SCN3B: variants seen among roughly 807,000 people sequenced by gnomAD.
SCN3B encodes sodium voltage-gated channel beta subunit 3.
Under a neutral mutation model 25.4 loss-of-function variants are expected in SCN3B, and 11 were observed. That is an observed-to-expected ratio of 0.43 (90% CI 0.27 to 0.72). The LOEUF (loss-of-function observed/expected upper bound fraction) is 0.72. Ranked by LOEUF, SCN3B falls within the 30% of genes least tolerant of loss-of-function variation. The probability of loss-of-function intolerance (pLI) is 0.18; values close to 1 mark genes in which losing one functional copy is unlikely to be tolerated. For synonymous variants in SCN3B, 109 were observed against 110.7 expected, an observed-to-expected ratio of 0.99 and a Z score of 0.09; for missense variants, 218 against 278.3, an observed-to-expected ratio of 0.78 and a Z score of 1.54.
intron 3 of SCN3B, among the ~76,000 whole-genome samples, chr11:123,644,838 T>TATAC (rs1955835459): frequency 1.6e-5 from 2 of 126,336 alleles, no homozygotes; most frequent in South Asian, 2.6e-4. Flanking sequence ...TATATATATA[T>TATAC]ATACACACAC....
intron 4 of SCN3B, chr11:123,640,873 A>C (rs1262576333): frequency 6.6e-6 from 1 of 152,220 alleles, no homozygotes; most frequent in African/African-American, 2.4e-5. Flanking sequence ...CCCTGGATTA[A>C]ATAAATGATA....
Position 123,634,204 on chromosome 11 carries a change from G to C in SCN3B, c.587C>G (p.Ser196Cys), listed in dbSNP as rs777776827. ...KAEEAAQENASDYLAIPSENK... is the reference protein window; with the variant it reads ...KAEEAAQENACDYLAIPSENK... ...CTCAGATGGGATGGCAAGGTAGTCAGACCTATAGAGGACACAGGGAAAGGG... is the reference window on the plus strand; with the variant it reads ...CTCAGATGGGATGGCAAGGTAGTCACACCTATAGAGGACACAGGGAAAGGG... The change falls in exon 6 of 7, where the codon TCT (serine) becomes TGT (cysteine). Residue 196 changes from serine to cysteine, a missense_variant and splice_region_variant. By Grantham distance (112) the Ser-to-Cys change is moderately radical (BLOSUM62 -1). Transcript: ENST00000299333. 5.6e-6 allele frequency: 9 copies of C among 1,613,500 alleles called. No homozygotes were observed. Among genetic ancestry groups the C allele is most frequent in the Non-Finnish European group, 7.6e-6 (9 of 1,179,646 alleles).
Position 123,648,391 on chromosome 11 carries a change from G to T in SCN3B, c.56-2641C>A, listed in dbSNP as rs559945613. The stretch of plus-strand genomic sequence containing the variant: ...ATTTTATGGATTAATTTACATGAAT[G>T]TGCTTTGTACAAATGTCATTATTCA... On this transcript the variant is annotated intron_variant, in intron 2 of 6. Coordinates refer to ENST00000299333, the MANE Select transcript of SCN3B (RefSeq NM_001040151.2). 1.8e-3 allele frequency among the ~76,000 whole-genome samples: 277 copies of T among 152,324 alleles called. 1 individual carries two copies. The highest frequency in any genetic ancestry group is 6.5e-3 in the African/African-American group (270 of 41,554).
chr11:123,638,301 C>A lies in SCN3B; in HGVS notation c.469G>T (p.Val157Phe). The A allele has an allele frequency of 6.2e-7, 1 of 1,614,092 alleles. No individual in the cohort carries two copies. Among genetic ancestry groups the A allele is most frequent in the Non-Finnish European group, 8.5e-7 (1 of 1,180,044 alleles). The change falls in exon 5 of 7, where the codon GTC becomes TTC. Residue 157 changes from valine (V) to phenylalanine (F), a missense_variant. Physicochemically the swap from Val to Phe is conservative, Grantham distance 50. Coordinates refer to ENST00000299333, the MANE Select transcript of SCN3B (RefSeq NM_001040151.2). ...AGGATGTACATCATGATTTCTGAGA[C>A]CACAGAGGTGAAGTCCTCTCCAGCT... The part of the protein sequence containing the change: ...EEAGEDFTSV[V>F]SEIMMYILLV...
chr11:123,632,063 G>A lies in SCN3B; in HGVS notation c.*1736C>T, dbSNP rs1335933131. On this transcript the variant is annotated 3_prime_UTR_variant, in exon 7 of 7. Coordinates refer to ENST00000299333, the MANE Select transcript of SCN3B (RefSeq NM_001040151.2). Reference sequence around the variant, plus strand: ...TTCCCCTCTCTTGTCCCTGGGTGCTGAAGGATGTCACACTTGGACCTGTCA... The same window carrying A: ...TTCCCCTCTCTTGTCCCTGGGTGCTAAAGGATGTCACACTTGGACCTGTCA... 6.6e-6 allele frequency: 1 copy of A among 152,136 alleles called. No individual in the cohort carries two copies. The highest frequency in any genetic ancestry group is 2.4e-5 in the African/African-American group (1 of 41,412). 9.4% of individuals were successfully genotyped at this position (152,136 alleles called of 1,614,324 possible). A position where few individuals can be genotyped will look rare whatever the true frequency, so the allele number is the denominator to read the frequency against.
chr11:123,644,800 AATATATATATATAT>A (rs56135097), intron 3 of SCN3B, among the ~76,000 whole-genome samples: 33 of 45,576 alleles, frequency 7.2e-4, no homozygotes, highest in African/African-American at 1.4e-3. Context: ...AGAGAGAGAG[AATATATATATATAT>A]ATATATATAT....
chr11:123,641,289 G>T (rs1375280778), intron 4 of SCN3B, among the ~76,000 whole-genome samples: 4 of 152,226 alleles, frequency 2.6e-5, no homozygotes, highest in African/African-American at 4.8e-5. Context: ...TGACTCATCA[G>T]GTCTGGATTC....
chr11:123,654,564 C>T lies in SCN3B; in HGVS notation c.-364G>A, dbSNP rs12420563. On this transcript the variant is annotated 5_prime_UTR_variant, in exon 1 of 7. Transcript: ENST00000299333. ...ACCCTGGGTGGCAGGTGATCAGCAACCCTTCTCTAGGCCCCCAGGCCGTGT... is the reference window on the plus strand; with the variant it reads ...ACCCTGGGTGGCAGGTGATCAGCAATCCTTCTCTAGGCCCCCAGGCCGTGT... 0.14 allele frequency: 21,182 copies of T among 152,946 alleles called. 1,573 individuals are homozygous for T. Among genetic ancestry groups the T allele is most frequent in the Admixed American group, 0.2 (3,094 of 15,364 alleles). 9.5% of individuals were successfully genotyped at this position (152,946 alleles called of 1,614,324 possible). A position where few individuals can be genotyped will look rare whatever the true frequency, so the allele number is the denominator to read the frequency against.
chr11:123,629,846 T>C lies in SCN3B; in HGVS notation c.*3953A>G, dbSNP rs190054174. 6.6e-6 allele frequency: 1 copy of C among 152,336 alleles called. No homozygotes were observed. The highest frequency in any genetic ancestry group is 2.4e-5 in the African/African-American group (1 of 41,574). 9.4% of individuals were successfully genotyped at this position (152,336 alleles called of 1,614,324 possible). A position where few individuals can be genotyped will look rare whatever the true frequency, so the allele number is the denominator to read the frequency against. On this transcript the variant is annotated 3_prime_UTR_variant, in exon 7 of 7. Coordinates refer to ENST00000299333, the MANE Select transcript of SCN3B (RefSeq NM_001040151.2). ...TTTTTGTTTTTCATTTTTTTCTTTT[T>C]TCATTTTCATGTTAAACTGGGAAAG...
At chr11:123,636,962 G>A (rs1955734343) in intron 5 of SCN3B, among the ~76,000 whole-genome samples, 1 of 152,162 alleles carries the variant, frequency 6.6e-6, no homozygotes, top group South Asian at 2.1e-4. Flanking sequence ...AAAGTGCTGG[G>A]ATTACAGACG....
At chr11:123,644,501 G>A (rs1033452166) in intron 3 of SCN3B, among the ~76,000 whole-genome samples, 1 of 152,168 alleles carries the variant, frequency 6.6e-6, no homozygotes, top group Non-Finnish European at 1.5e-5. Context: ...ACCAGGCACG[G>A]TGGCTCACAC....
intron 2 of SCN3B, among the ~76,000 whole-genome samples, chr11:123,650,113 T>A (rs901941675): frequency 6.6e-6 from 1 of 152,188 alleles, no homozygotes; most frequent in African/African-American, 2.4e-5. Flanking sequence ...CTTGGAATAA[T>A]GTTGACCAAA....
chr11:123,644,796 AGAGAATATATATAT>A (rs1380855435), intron 3 of SCN3B, among the ~76,000 whole-genome samples: 1 of 53,470 alleles, frequency 1.9e-5, no homozygotes, highest in Non-Finnish European at 3.5e-5. Flanking sequence ...AGAGAGAGAG[AGAGAATATATATAT>A]ATATATATAT....
intron 5 of SCN3B, among the ~76,000 whole-genome samples, chr11:123,637,295 C>T (rs1344084637): frequency 6.6e-6 from 1 of 152,158 alleles, no homozygotes; most frequent in Non-Finnish European, 1.5e-5. Context: ...TAACATGTTG[C>T]TTGGAGCTCC....
chr11:123,649,722 A>G (rs1237703346), intron 2 of SCN3B, among the ~76,000 whole-genome samples: 1 of 87,772 alleles, frequency 1.1e-5, no homozygotes. Context: ...TTTTTTTTTT[A>G]GATGGAGTTT....
At position 123,646,754 on chromosome 11, in the gene SCN3B, A is replaced by T. The variant is rs116720881; in HGVS notation, c.56-1004T>A. Among the ~76,000 whole-genome samples the T allele has an allele frequency of 1.5e-3, 236 of 152,350 alleles. 1 individual carries two copies. Among genetic ancestry groups the T allele is most frequent in the African/African-American group, 5.4e-3 (224 of 41,574 alleles). On this transcript the variant is annotated intron_variant, in intron 2 of 6. Coordinates refer to ENST00000299333, the MANE Select transcript of SCN3B (RefSeq NM_001040151.2). ...AGCGGGACAAGGCTGCCAGCAAAAC[A>T]TGCGCAAATGTGAGCTGCATTAACA...
chr11:123,650,552 C>T (rs1955912184), intron 2 of SCN3B, among the ~76,000 whole-genome samples: 1 of 152,148 alleles, frequency 6.6e-6, no homozygotes, highest in Admixed American at 6.5e-5. Flanking sequence ...ACTAGAAGGG[C>T]AGGCCTGGAG....
chr11:123,644,680 A>G (rs536666897), intron 3 of SCN3B, among the ~76,000 whole-genome samples: 4 of 151,334 alleles, frequency 2.6e-5, no homozygotes, highest in African/African-American at 9.7e-5. Flanking sequence ...CTGAGGTGGG[A>G]GAATCGCTTG....
intron 5 of SCN3B, 144 bp downstream of exon 5, chr11:123,638,042 T>C: frequency 1.0e-6 from 1 of 973,076 alleles, no homozygotes; most frequent in Non-Finnish European, 1.6e-6. Flanking sequence ...ATCTGTAAAA[T>C]GGGTATAATA....
Sources: gnomAD v4.1 joint callset for allele counts (sites outside exome capture counted in the v4.1 genomes callset) on GRCh38, gnomAD v4.1.1 for gene constraint, MANE v1.5 for transcripts, NCBI Gene and HGNC (gene_info 2026-07-23, HGNC 2026-07-21) for gene names.